SMARCC1: variants seen among roughly 807,000 people sequenced by gnomAD.
SMARCC1 encodes the protein SWI/SNF related BAF chromatin remodeling complex subunit C1.
SMARCC1 carries 43 observed loss-of-function variants against 147.4 expected under a neutral mutation model. The observed-to-expected ratio is 0.29, with a 90% CI of 0.23 to 0.38. The LOEUF (loss-of-function observed/expected upper bound fraction) is 0.38. Ranked by LOEUF, SMARCC1 falls within the 10% of genes least tolerant of loss-of-function variation. SMARCC1 has a pLI of 1.00. For missense variants in SMARCC1, 1,119 were observed against 1,381.1 expected, an observed-to-expected ratio of 0.81 and a Z score of 3.01; for synonymous variants, 495 against 484.4, an observed-to-expected ratio of 1.02 and a Z score of -0.29.
chr3:47,606,639 T>C (rs1156745824), intron 26 of SMARCC1, among the ~76,000 whole-genome samples: 1 of 152,180 alleles, frequency 6.6e-6, no homozygotes, highest in Non-Finnish European at 1.5e-5. Flanking sequence ...AAATACCAAG[T>C]AGCTACAGTA....
intron 18 of SMARCC1, among the ~76,000 whole-genome samples, chr3:47,671,188 A>ACAAACAAAC (rs1559640678): frequency 4.1e-5 from 6 of 146,602 alleles, no homozygotes; most frequent in African/African-American, 1.5e-4. Flanking sequence ...AAAAAAAAAA[A>ACAAACAAAC]AAAAAAAAAA....
intron 22 of SMARCC1, among the ~76,000 whole-genome samples, chr3:47,638,447 C>T (rs535085943): frequency 6.6e-6 from 1 of 152,276 alleles, no homozygotes; most frequent in South Asian, 2.1e-4. Context: ...ATTCCCTCTT[C>T]TTTTGTGGGA....
intron 2 of SMARCC1, 85 bp downstream of exon 2, chr3:47,772,732 G>T: frequency 8.4e-7 from 1 of 1,184,262 alleles, no homozygotes; most frequent in Non-Finnish European, 1.2e-6. Context: ...CACGCTAGCA[G>T]CAGCAAAGGA....
chr3:47,682,305 A>C (rs1024472257), intron 14 of SMARCC1, among the ~76,000 whole-genome samples: 4 of 151,780 alleles, frequency 2.6e-5, no homozygotes, highest in African/African-American at 9.7e-5. Flanking sequence ...AAAAAAAAAA[A>C]AAAAACAAAC....
At chr3:47,685,085 T>C (rs963982460) in intron 14 of SMARCC1, among the ~76,000 whole-genome samples, 1 of 152,218 alleles carries the variant, frequency 6.6e-6, no homozygotes, top group South Asian at 2.1e-4. Context: ...ACATTCACTT[T>C]GGCGTATCCG....
chr3:47,725,231 C>A (rs966797843), intron 6 of SMARCC1, among the ~76,000 whole-genome samples: 1 of 151,814 alleles, frequency 6.6e-6, no homozygotes, highest in African/African-American at 2.4e-5. Flanking sequence ...GATCGTATGT[C>A]ATCATGCTTT....
chr3:47,755,715 A>G (rs375322196), intron 2 of SMARCC1, among the ~76,000 whole-genome samples: 111 of 150,282 alleles, frequency 7.4e-4, no homozygotes, highest in Middle Eastern at 3.4e-3. Flanking sequence ...AAAATAGGCC[A>G]GGCGCGGTGG....
At chr3:47,766,356 A>T (rs2034839494) in intron 2 of SMARCC1, among the ~76,000 whole-genome samples, 1 of 151,938 alleles carries the variant, frequency 6.6e-6, no homozygotes, top group Non-Finnish European at 1.5e-5. Context: ...GCCTGAGCCC[A>T]GGAGTTCGAG....
intron 24 of SMARCC1, 104 bp from the exon 25 acceptor site, chr3:47,622,445 G>A: frequency 1.8e-6 from 2 of 1,086,316 alleles, no homozygotes; most frequent in Non-Finnish European, 2.8e-6. Context: ...ATTTACAATG[G>A]TACCCTATAT....
intron 24 of SMARCC1, among the ~76,000 whole-genome samples, chr3:47,627,839 G>A (rs907022130): frequency 6.6e-6 from 1 of 152,034 alleles, no homozygotes; most frequent in African/African-American, 2.4e-5. Flanking sequence ...TCCTGCCTCA[G>A]CCTCCCGAGT....
chr3:47,625,142 T>C (rs2032789506), intron 24 of SMARCC1, among the ~76,000 whole-genome samples: 1 of 151,728 alleles, frequency 6.6e-6, no homozygotes, highest in Non-Finnish European at 1.5e-5. Context: ...TCTGTATATG[T>C]TGGAATTTTT....
At chr3:47,753,712 C>CAAAAAAAAA (rs71070226) in intron 2 of SMARCC1, among the ~76,000 whole-genome samples, 15 of 69,516 alleles carry the variant, frequency 2.2e-4, no homozygotes, top group Non-Finnish European at 2.8e-4. Flanking sequence ...AACTCCATCT[C>CAAAAAAAAA]AAAAAAAAAA....
intron 18 of SMARCC1, among the ~76,000 whole-genome samples, chr3:47,671,196 A>AAAAAACAAAC (rs753672169): frequency 1.2e-5 from 1 of 81,144 alleles, no homozygotes; most frequent in Non-Finnish European, 2.4e-5. Flanking sequence ...AAAAAAAAAA[A>AAAAAACAAAC]AACACACACA....
At chr3:47,741,653 C>T (rs2034511633) in intron 3 of SMARCC1, among the ~76,000 whole-genome samples, 1 of 151,896 alleles carries the variant, frequency 6.6e-6, no homozygotes, top group Admixed American at 6.6e-5. Flanking sequence ...AATATATTTT[C>T]CTTTCCTTAT....
Position 47,765,464 on chromosome 3 carries a change from T to G in SMARCC1, c.315+7353A>C, listed in dbSNP as rs539102227. Among the ~76,000 whole-genome samples the G allele has an allele frequency of 1.2e-4, 17 of 146,852 alleles. No homozygotes were observed. The East Asian group carries it at 2.6e-3, about 22-fold the overall frequency. The stretch of plus-strand genomic sequence containing the variant: ...ATATATTTTACAATAGGAAGTTGTT[T>G]AAAAAAAAAAAGAAAGAAACTAAAC... On this transcript the variant is annotated intron_variant, in intron 2 of 27. Transcript: ENST00000254480.
chr3:47,691,043 T>C (rs576728599), intron 12 of SMARCC1, among the ~76,000 whole-genome samples: 1 of 152,306 alleles, frequency 6.6e-6, no homozygotes, highest in South Asian at 2.1e-4. Flanking sequence ...TTACTCAAAT[T>C]ACACATTTTT....
intron 22 of SMARCC1, among the ~76,000 whole-genome samples, chr3:47,636,861 AAAG>A (rs1184572987): frequency 7.3e-5 from 11 of 151,710 alleles, no homozygotes. Context: ...TGATTGATTT[AAAG>A]AATTAAGAGC....
intron 26 of SMARCC1, 134 bp from the exon 27 acceptor site, chr3:47,590,971 T>A: frequency 1.3e-6 from 1 of 774,460 alleles, no homozygotes; most frequent in Non-Finnish European, 2.0e-6. Flanking sequence ...CAATAATCTG[T>A]AATAATCTCT....
chr3:47,734,149 A>C (rs2034412557), intron 5 of SMARCC1, among the ~76,000 whole-genome samples: 1 of 152,208 alleles, frequency 6.6e-6, no homozygotes, highest in African/African-American at 2.4e-5. Flanking sequence ...CTTCAAGGCA[A>C]GAAACAGCAG....
Sources: gnomAD v4.1 joint callset for allele counts (sites outside exome capture counted in the v4.1 genomes callset) on GRCh38, gnomAD v4.1.1 for gene constraint, MANE v1.5 for transcripts, NCBI Gene and HGNC (gene_info 2026-07-23, HGNC 2026-07-21) for gene names.